Variants in LTN1 observed in about 807,000 individuals in gnomAD.
LTN1 encodes the protein listerin E3 ubiquitin protein ligase 1.
In LTN1, 88 loss-of-function variants were observed where a neutral mutation model predicts 201.2. The observed-to-expected ratio is 0.44, with a 90% CI of 0.37 to 0.52. The LOEUF (loss-of-function observed/expected upper bound fraction) is 0.52, where lower values mean the gene tolerates loss of function less well. Among genes scored for constraint, LTN1 ranks in the 20% least tolerant of loss-of-function variants. The probability of loss-of-function intolerance (pLI) is 0.00; values close to 1 mark genes in which losing one functional copy is unlikely to be tolerated. For synonymous variants in LTN1, 645 were observed against 713.5 expected (o/e 0.90, Z 1.53); for missense variants, 1,752 against 2,038.7 (o/e 0.86, Z 2.71).
rs369230579 is a variant in LTN1, at chr21:28,981,900, A to G, written c.629+416T>C. 1.2e-4 allele frequency among the ~76,000 whole-genome samples: 18 copies of G among 152,320 alleles called. No individual in the cohort carries two copies. In the East Asian group the frequency reaches 2.3e-3, roughly 20 times the overall value. ...CATTATGTTATTTTCATCTCTACAT[A>G]TATTATTCCTTCTTTTTAAAAATGT... is the stretch of plus-strand genomic sequence containing the variant. On this transcript the variant is annotated intron_variant, in intron 5 of 29. Transcript: ENST00000361371.
Position 28,959,706 on chromosome 21 carries a change from A to G in LTN1, c.2354-9T>C. On this transcript the variant is annotated splice_polypyrimidine_tract_variant and intron_variant, in intron 12 of 29. Coordinates refer to ENST00000361371, the MANE Select transcript of LTN1 (RefSeq NM_015565.3). ...GTCTCCAATCAAGTAATCTGGAGAA[A>G]AAAAGGTTCAAACAGACAAAAAATA... 1 of 1,581,172 alleles carries G rather than the reference A, an allele frequency of 6.3e-7. No homozygotes were observed. The highest frequency in any genetic ancestry group is 1.9e-5 in the Admixed American group (1 of 53,820).
intron 8 of LTN1, 90 bp from the exon 9 acceptor site, chr21:28,969,691 T>C (rs2084557495): frequency 1.1e-6 from 1 of 882,918 alleles, no homozygotes; most frequent in South Asian, 2.2e-5. Flanking sequence ...AAAGGCATCA[T>C]GACAGAAGAA....
chr21:28,952,688 G>T (rs180847682), intron 17 of LTN1, among the ~76,000 whole-genome samples: 2 of 152,276 alleles, frequency 1.3e-5, no homozygotes, highest in Non-Finnish European at 2.9e-5. Context: ...AGGAAGCCTG[G>T]GTCCTCTGAT....
intron 18 of LTN1, among the ~76,000 whole-genome samples, chr21:28,951,027 T>A (rs1358212896): frequency 6.6e-6 from 1 of 151,844 alleles, no homozygotes; most frequent in Non-Finnish European, 1.5e-5. Context: ...ACTCTGTCTC[T>A]CACACACACA....
chr21:28,958,503 G>C lies in LTN1; in HGVS notation c.2630C>G (p.Ser877Cys). The change falls in exon 14 of 30, where the codon TCT (serine) becomes TGT (cysteine). Residue 877 changes from serine to cysteine, a missense_variant. Coordinates refer to ENST00000361371, the MANE Select transcript of LTN1 (RefSeq NM_015565.3). ...LICKLKNTWLSGVNLLVHQTD... is the reference protein window; with the variant it reads ...LICKLKNTWLCGVNLLVHQTD... ...TTGATGAACCAATAAATTTACACCAGAGAGCCAAGTATTTTTCAGTTTACA... is the reference window on the plus strand; with the variant it reads ...TTGATGAACCAATAAATTTACACCACAGAGCCAAGTATTTTTCAGTTTACA... The C allele has an allele frequency of 6.2e-7, 1 of 1,608,398 alleles. No homozygotes were observed. The highest frequency in any genetic ancestry group is 8.5e-7 in the Non-Finnish European group (1 of 1,177,776).
chr21:28,939,626 A>C (rs1568833905), intron 25 of LTN1, among the ~76,000 whole-genome samples: 1 of 152,122 alleles, frequency 6.6e-6, no homozygotes, highest in Non-Finnish European at 1.5e-5. Context: ...CAAGTTTCAG[A>C]CTCAATAATA....
chr21:28,965,982 A>T, intron 10 of LTN1, 76 bp from the exon 11 acceptor site: 1 of 911,562 alleles, frequency 1.1e-6, no homozygotes, highest in Non-Finnish European at 1.7e-6. Context: ...TATGTTGCCC[A>T]GGCTAGTCTA....
intron 11 of LTN1, chr21:28,964,503 A>G (rs2084505093): frequency 2.2e-6 from 3 of 1,373,496 alleles, no homozygotes; most frequent in Non-Finnish European, 2.9e-6. Context: ...GTGTACACAT[A>G]ACTTTTATAT....
At chr21:28,944,634 T>C in intron 21 of LTN1, 38 bp from the exon 22 acceptor site, 1 of 1,415,802 alleles carries the variant, frequency 7.1e-7, no homozygotes, top group East Asian at 2.4e-5. Flanking sequence ...TAAACAGACT[T>C]CTACCAGAAC....
chr21:28,979,624 T>G (rs1326441434), intron 6 of LTN1, among the ~76,000 whole-genome samples: 2 of 152,208 alleles, frequency 1.3e-5, no homozygotes, highest in Non-Finnish European at 2.9e-5. Context: ...AATCCCATGT[T>G]TGCCAATTCA....
intron 25 of LTN1, among the ~76,000 whole-genome samples, chr21:28,939,684 T>C (rs992009039): frequency 6.6e-6 from 1 of 152,176 alleles, no homozygotes; most frequent in African/African-American, 2.4e-5. Flanking sequence ...CCCAGCTTAA[T>C]GAAAAAGGTG....
chr21:28,945,897 CCGGATTATTT>C lies in LTN1; in HGVS notation c.3668_3677del (p.Glu1223GlyfsTer7). 1 of 1,613,454 alleles carries C rather than the reference CCGGATTATTT, an allele frequency of 6.2e-7. No homozygotes were observed. The highest frequency in any genetic ancestry group is 8.5e-7 in the Non-Finnish European group (1 of 1,179,552). ...AGTATTTCAGAAATAGGGAAAGAAA[CCGGATTATTT>C]CTATATTTACACCCAGTACCTCTGG... On this transcript the variant is annotated frameshift_variant, in exon 21 of 30. Transcript: ENST00000361371. LOFTEE classifies it high-confidence loss of function.
chr21:28,968,855 C>T (rs915731129), intron 9 of LTN1, among the ~76,000 whole-genome samples: 2 of 151,810 alleles, frequency 1.3e-5, no homozygotes, highest in African/African-American at 4.8e-5. Context: ...GATCCACCCA[C>T]CTCGGCCTTC....
At chr21:28,954,996 T>G (rs1455081516) in intron 16 of LTN1, among the ~76,000 whole-genome samples, 1 of 151,944 alleles carries the variant, frequency 6.6e-6, no homozygotes, top group Non-Finnish European at 1.5e-5. Flanking sequence ...GAAGAGACAA[T>G]CTGTAGAATG....
intron 28 of LTN1, 133 bp downstream of exon 28, chr21:28,932,337 T>C: frequency 1.3e-6 from 1 of 752,978 alleles, no homozygotes; most frequent in Non-Finnish European, 2.3e-6. Flanking sequence ...TAGGCATATC[T>C]CTGTATTTAT....
In LTN1 at chr21:28,959,627, C is replaced by A; in HGVS notation, c.2424G>T (p.Lys808Asn). The A allele has an allele frequency of 1.2e-6, 2 of 1,613,822 alleles. No individual in the cohort carries two copies. Among genetic ancestry groups the A allele is most frequent in the Non-Finnish European group, 8.5e-7 (1 of 1,179,868 alleles). Residue 808 changes from lysine (K) to asparagine (N), a missense_variant, in exon 13 of 30, where the codon AAG (lysine) becomes AAT (asparagine). Lys to Asn is a moderately conservative substitution (Grantham distance 94). Transcript: ENST00000361371. ...VRLHETLFKT[K>N]KLSEAESSDS... ...CACTGCTTTCAGCTTCTGATAATTTCTTTGTTTTGAATAAAGTTTCATGAA... is the reference window on the plus strand; with the variant it reads ...CACTGCTTTCAGCTTCTGATAATTTATTTGTTTTGAATAAAGTTTCATGAA...
At chr21:28,949,371 T>TA (rs1010539331) in intron 18 of LTN1, among the ~76,000 whole-genome samples, 2 of 152,242 alleles carry the variant, frequency 1.3e-5, no homozygotes, top group Admixed American at 1.3e-4. Flanking sequence ...AAAATACACA[T>TA]AAAATTAATG....
chr21:28,935,415 A>G, intron 26 of LTN1, 86 bp from the exon 27 acceptor site: 3 of 850,874 alleles, frequency 3.5e-6, no homozygotes, highest in Non-Finnish European at 5.6e-6. Flanking sequence ...TTAGAAAGTG[A>G]TCCTTAATTT....
intron 6 of LTN1, among the ~76,000 whole-genome samples, chr21:28,974,265 A>C (rs2084597814): frequency 6.6e-6 from 1 of 152,254 alleles, no homozygotes; most frequent in Non-Finnish European, 1.5e-5. Flanking sequence ...GAAATCATTC[A>C]TCATACTTTT....
Sources: gnomAD v4.1 joint callset for allele counts (sites outside exome capture counted in the v4.1 genomes callset) on GRCh38, gnomAD v4.1.1 for gene constraint, MANE v1.5 for transcripts, NCBI Gene and HGNC (gene_info 2026-07-23, HGNC 2026-07-21) for gene names.